The following ANTXR2 variants were observed in gnomAD, a reference collection of about 807,000 sequenced individuals.
ANTXR2 encodes ANTXR cell adhesion molecule 2, also known as anthrax toxin receptor 2.
A neutral mutation model predicts 73.7 loss-of-function variants in ANTXR2; 44 were observed. That is an observed-to-expected ratio of 0.60 (90% CI 0.47 to 0.77). The LOEUF (loss-of-function observed/expected upper bound fraction) is 0.77. ANTXR2 is among the 30% of genes least tolerant of loss of function. The pLI is 0.00. For synonymous variants in ANTXR2, 217 were observed against 205.9 expected (o/e 1.05, Z -0.46); for missense variants, 604 against 592.5 (o/e 1.02, Z -0.20).
chr4:79,990,402 A>AAAAAAC (rs1730412898), intron 12 of ANTXR2, among the ~76,000 whole-genome samples: 1 of 150,834 alleles, frequency 6.6e-6, no homozygotes, highest in Non-Finnish European at 1.5e-5. Context: ...AAAAAAAAAA[A>AAAAAAC]CACCTTGTAA....
intron 7 of ANTXR2, 98 bp downstream of exon 7, chr4:80,054,174 A>C: frequency 1.1e-6 from 1 of 890,436 alleles, no homozygotes; most frequent in Non-Finnish European, 1.7e-6. Flanking sequence ...TCTTTCCTCT[A>C]GATAATGACC....
At chr4:80,019,941 T>C (rs1732077149) in intron 10 of ANTXR2, among the ~76,000 whole-genome samples, 1 of 152,190 alleles carries the variant, frequency 6.6e-6, no homozygotes. Flanking sequence ...AGCCTAGAGT[T>C]AGTAATTTTT....
Position 79,926,900 on chromosome 4 carries a change from C to CACATGTGTGCATATATGTGTATATATAA in ANTXR2, c.1429-19434_1429-19433insTTATATATACACATATATGCACACATGT, listed in dbSNP as rs1727808530. On this transcript the variant is annotated intron_variant, in intron 16 of 16. Coordinates refer to ENST00000403729, the MANE Select transcript of ANTXR2 (RefSeq NM_058172.6). ...GTGTGTATATATATGTGTGTATATA[C>CACATGTGTGCATATATGTGTATATATAA]ACATGTGTGCATATATGTGTATATA... Among the ~76,000 whole-genome samples the CACATGTGTGCATATATGTGTATATATAA allele has an allele frequency of 2.0e-5, 3 of 148,220 alleles. 1 individual carries two copies. Among genetic ancestry groups the CACATGTGTGCATATATGTGTATATATAA allele is most frequent in the African/African-American group, 7.5e-5 (3 of 40,144 alleles).
intron 16 of ANTXR2, among the ~76,000 whole-genome samples, chr4:79,973,300 A>T (rs1729502685): frequency 6.6e-6 from 1 of 152,238 alleles, no homozygotes; most frequent in African/African-American, 2.4e-5. Context: ...TATTTTTATG[A>T]TTAAATCTCT....
chr4:79,984,744 T>G (rs546398867), intron 13 of ANTXR2, 75 bp downstream of exon 13: 4 of 1,269,840 alleles, frequency 3.1e-6, no homozygotes, highest in Non-Finnish European at 4.5e-6. Context: ...ACAGACAAAA[T>G]TGATTAAATT....
At chr4:79,936,548 C>T (rs145984183) in intron 16 of ANTXR2, among the ~76,000 whole-genome samples, 2 of 150,880 alleles carry the variant, frequency 1.3e-5, no homozygotes, top group Admixed American at 1.3e-4. Flanking sequence ...AATTTATGTC[C>T]TCATAAAAGC....
chr4:80,060,157 A>G (rs922186249), intron 3 of ANTXR2, among the ~76,000 whole-genome samples: 1 of 152,164 alleles, frequency 6.6e-6, no homozygotes, highest in East Asian at 1.9e-4. Flanking sequence ...AATTCCTCAC[A>G]CTCAGTCCAG....
At chr4:79,927,013 A>G (rs1322329854) in intron 16 of ANTXR2, among the ~76,000 whole-genome samples, 1 of 141,968 alleles carries the variant, frequency 7.0e-6, no homozygotes, top group Admixed American at 7.4e-5. Context: ...ACGTGTGCAT[A>G]TATACATATG....
chr4:79,912,566 G>A (rs1285614755), intron 16 of ANTXR2, among the ~76,000 whole-genome samples: 1 of 152,004 alleles, frequency 6.6e-6, no homozygotes, highest in African/African-American at 2.4e-5. Context: ...AAGAACTCTT[G>A]TGCATTGCTA....
At chr4:79,933,190 T>C (rs1166178125) in intron 16 of ANTXR2, among the ~76,000 whole-genome samples, 1 of 152,186 alleles carries the variant, frequency 6.6e-6, no homozygotes, top group Non-Finnish European at 1.5e-5. Flanking sequence ...GAAAACTACA[T>C]AATATAAAAA....
chr4:80,013,074 A>C (rs899934716), intron 11 of ANTXR2, among the ~76,000 whole-genome samples: 1 of 152,180 alleles, frequency 6.6e-6, no homozygotes, highest in Non-Finnish European at 1.5e-5. Flanking sequence ...GAGTCAGAAG[A>C]CCAGTGATTC....
intron 16 of ANTXR2, among the ~76,000 whole-genome samples, chr4:79,960,766 G>A (rs1382952701): frequency 6.6e-6 from 1 of 151,716 alleles, no homozygotes; most frequent in Non-Finnish European, 1.5e-5. Context: ...AGTACAATTA[G>A]TGGAAAATAT....
chr4:79,922,625 G>C (rs7695901), intron 16 of ANTXR2, among the ~76,000 whole-genome samples: 87,213 of 151,918 alleles, frequency 0.57, 25,366 homozygotes, highest in Non-Finnish European at 0.6. Flanking sequence ...TATTAAGTTA[G>C]CTTTATGTAA....
At chr4:80,034,518 C>T (rs750423943) in intron 8 of ANTXR2, among the ~76,000 whole-genome samples, 9 of 152,180 alleles carry the variant, frequency 5.9e-5, no homozygotes, top group Admixed American at 2.6e-4. Context: ...AAGTATTTGA[C>T]GGGTTATAGT....
At chr4:79,937,786 G>A (rs886694269) in intron 16 of ANTXR2, among the ~76,000 whole-genome samples, 51 of 151,406 alleles carry the variant, frequency 3.4e-4, no homozygotes, top group East Asian at 5.9e-4. Flanking sequence ...CGCAGAAGAC[G>A]GTGATTTCTG....
At chr4:80,056,279 T>C (rs1338945955) in intron 3 of ANTXR2, among the ~76,000 whole-genome samples, 2 of 152,016 alleles carry the variant, frequency 1.3e-5, no homozygotes, top group Non-Finnish European at 1.5e-5. Flanking sequence ...CCTTCTGAGC[T>C]GAGAACAGAT....
chr4:79,978,369 C>CA lies in ANTXR2; in HGVS notation c.1180-196dup, dbSNP rs34603918. Among the ~76,000 whole-genome samples the CA allele has an allele frequency of 0.019, 2,589 of 136,296 alleles. 54 individuals are homozygous for CA. The highest frequency in any genetic ancestry group is 0.067 in the African/African-American group (2,356 of 35,162). 89.4% of individuals were successfully genotyped at this position (136,296 alleles called of 152,430 possible). A position where few individuals can be genotyped will look rare whatever the true frequency, so the allele number is the denominator to read the frequency against. ...CCTGACTGTATTTAATATTAAGATCCAAAAAAAAAAAAAACCCTTTGTAAA... is the reference window on the plus strand; with the variant it reads ...CCTGACTGTATTTAATATTAAGATCCAAAAAAAAAAAAAAACCCTTTGTAAA... On this transcript the variant is annotated intron_variant, in intron 14 of 16. Transcript: ENST00000403729.
chr4:80,056,846 C>A (rs1734021141), intron 3 of ANTXR2, among the ~76,000 whole-genome samples: 1 of 151,852 alleles, frequency 6.6e-6, no homozygotes, highest in Middle Eastern at 3.4e-3. Flanking sequence ...TAAGGGAAGT[C>A]CCAATTTTTA....
chr4:79,911,393 C>T (rs1727130215), intron 16 of ANTXR2, among the ~76,000 whole-genome samples: 1 of 151,626 alleles, frequency 6.6e-6, no homozygotes, highest in Admixed American at 6.6e-5. Context: ...AATACGAGTG[C>T]TAAAAATAAC....
Sources: gnomAD v4.1 joint callset for allele counts (sites outside exome capture counted in the v4.1 genomes callset) on GRCh38, gnomAD v4.1.1 for gene constraint, MANE v1.5 for transcripts, NCBI Gene and HGNC (gene_info 2026-07-23, HGNC 2026-07-21) for gene names.